SLC30A8: variants seen among roughly 807,000 people sequenced by gnomAD.
The protein encoded by SLC30A8 is proton-coupled zinc antiporter SLC30A8.
A neutral mutation model predicts 36.9 loss-of-function variants in SLC30A8; 27 were observed. That is an observed-to-expected ratio of 0.73 (90% CI 0.54 to 1.01). SLC30A8 has a LOEUF of 1.01. SLC30A8 is among the 50% of genes least tolerant of loss of function. The pLI is 0.00. For synonymous variants in SLC30A8, 164 were observed against 172.4 expected (o/e 0.95, Z 0.38); for missense variants, 439 against 452.0 (o/e 0.97, Z 0.26).
Position 117,082,052 on chromosome 8 carries a change from T to C in SLC30A8, c.-226+42794T>C, listed in dbSNP as rs147950063. On this transcript the variant is annotated intron_variant, in intron 2 of 10. Coordinates refer to the SLC30A8 transcript ENST00000427715. ...TATCTCCTGAGTCCCTGAGATAGAA[T>C]AAGTCAAGTTTTGAGAGGTCAGCTA... is the stretch of plus-strand genomic sequence containing the variant. Among the ~76,000 whole-genome samples the C allele has an allele frequency of 3.6e-3, 548 of 152,346 alleles. 3 individuals are homozygous for C. Among genetic ancestry groups the C allele is most frequent in the African/African-American group, 0.013 (526 of 41,576 alleles).
At chr8:117,048,631 T>C (rs539450195) in intron 2 of SLC30A8, among the ~76,000 whole-genome samples, 4 of 152,298 alleles carry the variant, frequency 2.6e-5, no homozygotes, top group Admixed American at 2.6e-4. Flanking sequence ...TAATTTTCTT[T>C]CTGTGTCTGG....
intron 7 of SLC30A8, among the ~76,000 whole-genome samples, chr8:117,171,794 C>T (rs1823400329): frequency 6.6e-6 from 1 of 152,028 alleles, no homozygotes; most frequent in Non-Finnish European, 1.5e-5. Flanking sequence ...CATTTACTGC[C>T]TCAAGAGAAA....
chr8:117,165,448 CAT>C (rs1823010198), intron 6 of SLC30A8, among the ~76,000 whole-genome samples: 1 of 152,174 alleles, frequency 6.6e-6, no homozygotes. Flanking sequence ...ACCAGTCAAT[CAT>C]AGATGCTGAT....
At chr8:117,061,311 T>C (rs1416589823) in intron 2 of SLC30A8, among the ~76,000 whole-genome samples, 2 of 152,236 alleles carry the variant, frequency 1.3e-5, no homozygotes, top group Non-Finnish European at 2.9e-5. Flanking sequence ...ACACAGTGCA[T>C]GTGCACATAC....
chr8:117,167,481 A>G (rs1319399690), intron 6 of SLC30A8, among the ~76,000 whole-genome samples: 3 of 142,712 alleles, frequency 2.1e-5, no homozygotes, highest in African/African-American at 7.9e-5. Flanking sequence ...GTGCATTTGC[A>G]TATATATATA....
At chr8:117,067,299 A>G (rs901976801) in intron 2 of SLC30A8, among the ~76,000 whole-genome samples, 10 of 152,030 alleles carry the variant, frequency 6.6e-5, no homozygotes, top group Non-Finnish European at 1.0e-4. Flanking sequence ...GATTTTAGTC[A>G]TATAAATCAA....
intron 2 of SLC30A8, among the ~76,000 whole-genome samples, chr8:117,063,959 T>C (rs557316216): frequency 7.0e-4 from 107 of 152,278 alleles, no homozygotes; most frequent in African/African-American, 2.5e-3. Flanking sequence ...GATGGCTCCT[T>C]TCACTCTCAC....
At chr8:117,007,336 A>G (rs933263915) in intron 1 of SLC30A8, among the ~76,000 whole-genome samples, 2 of 152,242 alleles carry the variant, frequency 1.3e-5, no homozygotes, top group East Asian at 1.9e-4. Context: ...TGAATTCTGT[A>G]TATTTTTGGC....
intron 1 of SLC30A8, among the ~76,000 whole-genome samples, chr8:116,956,565 A>G (rs1041117851): frequency 5.3e-5 from 8 of 152,222 alleles, no homozygotes. Flanking sequence ...ATTGGATTTA[A>G]AAGCATGTTA....
chr8:117,132,422 G>C (rs1035986021), upstream of SLC30A8, among the ~76,000 whole-genome samples: 1 of 151,994 alleles, frequency 6.6e-6, no homozygotes, highest in Non-Finnish European at 1.5e-5. Flanking sequence ...TATTTCCACA[G>C]GTAGCTGTTA....
upstream of SLC30A8, among the ~76,000 whole-genome samples, chr8:117,130,464 T>TAAAC (rs1279370710): frequency 6.6e-6 from 1 of 151,912 alleles, no homozygotes; most frequent in Non-Finnish European, 1.5e-5. Context: ...TGAAGGAAAA[T>TAAAC]AAACAGTGCT....
intron 2 of SLC30A8, among the ~76,000 whole-genome samples, chr8:117,088,086 G>T (rs1818952585): frequency 1.3e-5 from 2 of 152,058 alleles, no homozygotes; most frequent in South Asian, 4.2e-4. Flanking sequence ...GAGAGAGAGA[G>T]AATGGAGGGA....
At chr8:117,124,543 A>C (rs1328278134) in intron 2 of SLC30A8, among the ~76,000 whole-genome samples, 2 of 151,780 alleles carry the variant, frequency 1.3e-5, no homozygotes, top group African/African-American at 2.4e-5. Context: ...TCCACCAAAA[A>C]GTAATTCATA....
chr8:116,987,317 G>A (rs1465902177), intron 1 of SLC30A8, among the ~76,000 whole-genome samples: 5 of 151,452 alleles, frequency 3.3e-5, no homozygotes, highest in Non-Finnish European at 7.4e-5. Flanking sequence ...GGAGGGGATA[G>A]CATTAGGAGA....
At position 117,153,038 on chromosome 8, in the gene SLC30A8, G is replaced by T. The variant is rs761422383; in HGVS notation, c.366G>T (p.Trp122Cys). ...TCCTGCTCAGTCTCTTCTCCCTGTG[G>T]TTGTCATCGAAGCCTCCCTCTAAGC... The part of the protein sequence containing the change: ...TSFLLSLFSL[W>C]LSSKPPSKRL... Residue 122 changes from tryptophan to cysteine, a missense_variant, in exon 3 of 8, where the codon TGG (tryptophan) becomes TGT (cysteine). Trp to Cys is a radical substitution (Grantham distance 215). Coordinates refer to ENST00000456015, the MANE Select transcript of SLC30A8 (RefSeq NM_173851.3). The T allele has an allele frequency of 6.2e-7, 1 of 1,613,122 alleles. No individual in the cohort carries two copies. The highest frequency in any genetic ancestry group is 1.1e-5 in the South Asian group (1 of 90,898).
chr8:117,132,656 C>T (rs575037213), upstream of SLC30A8, among the ~76,000 whole-genome samples: 1 of 151,970 alleles, frequency 6.6e-6, no homozygotes, highest in Non-Finnish European at 1.5e-5. Flanking sequence ...CCAGTTAGGC[C>T]GTTGGCCCTT....
rs1397824927 is a variant in SLC30A8 at position 117,089,303 on chromosome 8, A to G, written c.-225-45977A>G. 2.0e-5 allele frequency among the ~76,000 whole-genome samples: 3 copies of G among 152,312 alleles called. No homozygotes were observed. In the East Asian group the frequency reaches 5.8e-4, roughly 29 times the overall value. ...ACTTATATAACTGACAAACTACCCA[A>G]TAGTTCAGCATGGGTTTTCCTTAGC... is the stretch of plus-strand genomic sequence containing the variant. On this transcript the variant is annotated intron_variant, in intron 2 of 10. Transcript: ENST00000427715.
chr8:116,972,764 G>T (rs915266035), intron 1 of SLC30A8, among the ~76,000 whole-genome samples: 2 of 152,166 alleles, frequency 1.3e-5, no homozygotes, highest in African/African-American at 4.8e-5. Flanking sequence ...GAACTGACGT[G>T]ATAAATTATA....
intron 2 of SLC30A8, among the ~76,000 whole-genome samples, chr8:117,047,893 C>T (rs1041587298): frequency 7.2e-5 from 11 of 152,194 alleles, no homozygotes; most frequent in African/African-American, 2.7e-4. Flanking sequence ...GACCTCTGGT[C>T]ATTCCTCACT....
Sources: allele counts gnomAD v4.1 joint callset (sites outside exome capture counted in the v4.1 genomes callset), GRCh38; gene constraint gnomAD v4.1.1; transcripts MANE v1.5; gene names NCBI Gene and HGNC (gene_info 2026-07-23, HGNC 2026-07-21).